The following MYO5B variants were observed in gnomAD, a reference collection of about 807,000 sequenced individuals.
MYO5B encodes unconventional myosin-Vb.
MYO5B carries 143 observed loss-of-function variants against 229.3 expected under a neutral mutation model. The ratio of observed to expected loss-of-function variants is 0.62; its 90% CI spans 0.54 to 0.72. The LOEUF is 0.72. Ranked by LOEUF, MYO5B falls within the 30% of genes least tolerant of loss-of-function variation. MYO5B has a pLI of 0.00. For missense variants in MYO5B, 2,321 were observed against 2,331.0 expected, an observed-to-expected ratio of 1.00 and a Z score of 0.09; for synonymous variants, 918 against 885.2, an observed-to-expected ratio of 1.04 and a Z score of -0.66.
chr18:49,936,714 G>A (rs942080028), intron 15 of MYO5B, among the ~76,000 whole-genome samples: 6 of 152,166 alleles, frequency 3.9e-5, no homozygotes, highest in African/African-American at 1.4e-4. Flanking sequence ...CTGGGACCCT[G>A]ACATCCGATG....
intron 8 of MYO5B, among the ~76,000 whole-genome samples, chr18:49,982,694 T>G (rs528693034): frequency 6.6e-6 from 1 of 152,336 alleles, no homozygotes; most frequent in African/African-American, 2.4e-5. Context: ...TTCTGTCTAT[T>G]GCTACTTTCA....
chr18:49,931,513 T>C (rs574935802), intron 16 of MYO5B, among the ~76,000 whole-genome samples: 9 of 152,300 alleles, frequency 5.9e-5, no homozygotes, highest in African/African-American at 2.2e-4. Context: ...GAAGACTTCA[T>C]CTTTCTAACT....
At chr18:49,847,119 G>GCATA in intron 33 of MYO5B, 27 bp downstream of exon 33, 1 of 1,613,824 alleles carries the variant, frequency 6.2e-7, no homozygotes, top group Non-Finnish European at 8.5e-7. Context: ...GGGGCAGGCA[G>GCATA]CATAGGGTGG....
chr18:50,110,914 T>A (rs1401293016), intron 1 of MYO5B, among the ~76,000 whole-genome samples: 4 of 151,872 alleles, frequency 2.6e-5, no homozygotes, highest in African/African-American at 9.7e-5. Context: ...ACAAAACATA[T>A]CAGAAGAAGA....
chr18:50,009,869 C>A (rs1023114852), intron 4 of MYO5B, among the ~76,000 whole-genome samples: 1 of 152,206 alleles, frequency 6.6e-6, no homozygotes, highest in Non-Finnish European at 1.5e-5. Context: ...CACCTGGAGG[C>A]AGGGCACTTG....
At chr18:50,047,973 A>G (rs2030283183) in intron 2 of MYO5B, among the ~76,000 whole-genome samples, 1 of 151,370 alleles carries the variant, frequency 6.6e-6, no homozygotes, top group South Asian at 2.1e-4. Flanking sequence ...TAGCATTAGG[A>G]GATATACCTA....
At chr18:50,133,545 GAGAAGTCATGTGATGAGCCC>G (rs1267428012) in intron 1 of MYO5B, among the ~76,000 whole-genome samples, 2 of 152,320 alleles carry the variant, frequency 1.3e-5, no homozygotes, top group East Asian at 3.9e-4. Flanking sequence ...CAAGAACCAA[GAGAAGTCATGTGATGAGCCC>G]AGAAATCCCT....
intron 7 of MYO5B, 118 bp from the exon 8 acceptor site, chr18:49,984,943 C>A (rs1048602183): frequency 7.9e-6 from 6 of 756,750 alleles, no homozygotes; most frequent in Non-Finnish European, 7.1e-6. Flanking sequence ...TTAGGCCCAG[C>A]TGGATGTGAA....
chr18:50,154,288 TAAAGCTTATCCCCC>T lies in MYO5B; in HGVS notation c.27+40465_27+40478del, dbSNP rs535018698. Among the ~76,000 whole-genome samples the T allele has an allele frequency of 9.1e-4, 139 of 152,330 alleles. 2 individuals carry two copies. The highest frequency in any genetic ancestry group is 6.2e-4 in the South Asian group (3 of 4,830). ...GCAAGATCATATTGTGTGATTTTTT[TAAAGCTTATCCCCC>T]ACCCAAAAAAGTCAATGACAAGAAA... is the stretch of plus-strand genomic sequence containing the variant. On this transcript the variant is annotated intron_variant, in intron 1 of 39. Transcript: ENST00000285039.
At chr18:49,888,393 G>A (rs2144120265) in intron 22 of MYO5B, among the ~76,000 whole-genome samples, 1 of 152,240 alleles carries the variant, frequency 6.6e-6, no homozygotes, top group South Asian at 2.1e-4. Context: ...TAGCCTCAGG[G>A]TCCATGAAGG....
intron 2 of MYO5B, among the ~76,000 whole-genome samples, chr18:50,048,465 C>G (rs1202772379): frequency 6.6e-6 from 1 of 152,148 alleles, no homozygotes; most frequent in Admixed American, 6.5e-5. Flanking sequence ...TAAGGTCACA[C>G]TGACACCAAC....
chr18:50,008,338 A>G (rs1341088074), intron 4 of MYO5B, among the ~76,000 whole-genome samples: 1 of 152,206 alleles, frequency 6.6e-6, no homozygotes, highest in Non-Finnish European at 1.5e-5. Flanking sequence ...ATGATGGTCA[A>G]TCTCACATAC....
chr18:50,010,053 T>C (rs2026145684), intron 4 of MYO5B, among the ~76,000 whole-genome samples: 1 of 152,174 alleles, frequency 6.6e-6, no homozygotes. Context: ...AACCAAGCCA[T>C]TCAGGAAGGC....
intron 4 of MYO5B, among the ~76,000 whole-genome samples, chr18:50,034,349 G>A (rs1399485431): frequency 6.6e-6 from 1 of 152,208 alleles, no homozygotes; most frequent in East Asian, 1.9e-4. Flanking sequence ...TAACCAATGG[G>A]TCACCCTTCT....
At chr18:50,194,559 G>A (rs2033273479) in intron 1 of MYO5B, among the ~76,000 whole-genome samples, 1 of 152,200 alleles carries the variant, frequency 6.6e-6, no homozygotes, top group Non-Finnish European at 1.5e-5. Flanking sequence ...CCGGGTGGCC[G>A]GTCAGTGCGG....
At chr18:50,086,202 T>C (rs1030273319) in intron 1 of MYO5B, among the ~76,000 whole-genome samples, 22 of 152,298 alleles carry the variant, frequency 1.4e-4, no homozygotes, top group African/African-American at 4.8e-4. Context: ...TCCAGATTTT[T>C]AAAAATAAAC....
chr18:50,146,259 C>T (rs1322411974), intron 1 of MYO5B, among the ~76,000 whole-genome samples: 1 of 152,212 alleles, frequency 6.6e-6, no homozygotes, highest in African/African-American at 2.4e-5. Flanking sequence ...GAAATCAAAA[C>T]CCAGGGTGGC....
chr18:50,058,754 T>A (rs1414261629), intron 1 of MYO5B, among the ~76,000 whole-genome samples: 1 of 151,994 alleles, frequency 6.6e-6, no homozygotes, highest in Non-Finnish European at 1.5e-5. Context: ...GAGGTTGCAG[T>A]GAGCAGAGAT....
intron 17 of MYO5B, among the ~76,000 whole-genome samples, chr18:49,919,120 T>C (rs924732680): frequency 4.6e-5 from 7 of 152,240 alleles, no homozygotes; most frequent in African/African-American, 1.2e-4. Context: ...TTTCAACAAA[T>C]GGTCCTGGGA....
Sources: allele counts gnomAD v4.1 joint callset (sites outside exome capture counted in the v4.1 genomes callset), GRCh38; gene constraint gnomAD v4.1.1; transcripts MANE v1.5; gene names NCBI Gene and HGNC (gene_info 2026-07-23, HGNC 2026-07-21).